Variants in ENTREP3 observed in about 807,000 individuals in gnomAD.
ENTREP3 encodes the protein endosomal transmembrane epsin interactor 3.
At chr1:155,250,770 C>G in the ENTREP3 span, 2 of 1,611,602 alleles carry the variant, frequency 1.2e-6, no homozygotes, top group Non-Finnish European at 1.7e-6. The surrounding 1 kb of genome is among the most constrained non-coding windows in gnomAD (Gnocchi z 5.4). Flanking sequence ...GCTAGAGCCC[C>G]CAGGGAGGTC....
At chr1:155,251,942 C>A in the ENTREP3 span, 1 of 1,394,580 alleles carries the variant, frequency 7.2e-7, no homozygotes, top group Non-Finnish European at 9.4e-7. Context: ...AGTCTGGATT[C>A]TGGGAATACA....
At chr1:155,254,326 T>C in the ENTREP3 span, 1 of 1,562,816 alleles carries the variant, frequency 6.4e-7, no homozygotes, top group Middle Eastern at 1.7e-4. This position sits in a 1 kb window ranked among gnomAD's most constrained non-coding sequence, Gnocchi z 4.4. Context: ...AGTTCCCTTC[T>C]TGAGGACATA....
the ENTREP3 span, chr1:155,248,255 G>C: frequency 6.2e-7 from 1 of 1,602,660 alleles, no homozygotes; most frequent in South Asian, 1.1e-5. Context: ...TAGCAACTTG[G>C]GGGAAGGGCA....
the ENTREP3 span, chr1:155,250,874 G>C: frequency 6.6e-7 from 1 of 1,511,540 alleles, no homozygotes; most frequent in Non-Finnish European, 8.9e-7. This position sits in a 1 kb window ranked among gnomAD's most constrained non-coding sequence, Gnocchi z 5.4. Context: ...GCCTAGCCCT[G>C]CCCAGGCAGT....
the ENTREP3 span, chr1:155,250,521 C>A: frequency 6.6e-7 from 1 of 1,520,822 alleles, no homozygotes; most frequent in Non-Finnish European, 8.8e-7. The surrounding 1 kb of genome is among the most constrained non-coding windows in gnomAD (Gnocchi z 5.4). Flanking sequence ...CAACCGGTGG[C>A]AGCTGCGGGC....
At chr1:155,253,276 C>G in the ENTREP3 span, 1 of 215,180 alleles carries the variant, frequency 4.6e-6, no homozygotes, top group Non-Finnish European at 9.2e-6. Context: ...AACTCCTGGC[C>G]TCAGGTGATC....
chr1:155,254,346 C>T, the ENTREP3 span: 1 of 1,593,624 alleles, frequency 6.3e-7, no homozygotes, highest in African/African-American at 1.3e-5. This position sits in a 1 kb window ranked among gnomAD's most constrained non-coding sequence, Gnocchi z 4.4. Context: ...AAATGGGCTT[C>T]CCCTTGCGTG....
At chr1:155,254,493 G>C in the ENTREP3 span, 1 of 1,612,540 alleles carries the variant, frequency 6.2e-7, no homozygotes, top group African/African-American at 1.3e-5. This position sits in a 1 kb window ranked among gnomAD's most constrained non-coding sequence, Gnocchi z 4.4. Context: ...GCCTGGCAGG[G>C]GAGGCTCCTG....
chr1:155,250,414 C>T, the ENTREP3 span: 2 of 735,738 alleles, frequency 2.7e-6, no homozygotes, highest in East Asian at 5.9e-5. The surrounding 1 kb of genome is among the most constrained non-coding windows in gnomAD (Gnocchi z 5.4). Flanking sequence ...CGAGTCGGGG[C>T]TCGGGTGGGC....
At chr1:155,248,244 G>T in the ENTREP3 span, 3 of 1,603,912 alleles carry the variant, frequency 1.9e-6, no homozygotes, top group Admixed American at 1.7e-5. Flanking sequence ...GACCGGGCAC[G>T]TAGCAACTTG....
the ENTREP3 span, chr1:155,248,303 C>A: frequency 1.4e-4 from 232 of 1,607,444 alleles, no homozygotes; most frequent in African/African-American, 2.8e-3. Flanking sequence ...AGAGCAGAGC[C>A]CTGCAGAGAG....
chr1:155,254,699 G>A, the ENTREP3 span: 2 of 1,612,090 alleles, frequency 1.2e-6, no homozygotes, highest in Admixed American at 3.3e-5. The surrounding 1 kb of genome is among the most constrained non-coding windows in gnomAD (Gnocchi z 4.4). Context: ...GCTCTCGGTG[G>A]TGGTGACGGA....
the ENTREP3 span, among the ~76,000 whole-genome samples, chr1:155,249,082 T>TTTTG: frequency 6.6e-6 from 1 of 151,724 alleles, no homozygotes; most frequent in East Asian, 1.9e-4. Context: ...TATACATGTT[T>TTTTG]TTTGTTTGTT....
the ENTREP3 span, chr1:155,250,695 AAG>A: frequency 1.2e-6 from 2 of 1,612,918 alleles, no homozygotes; most frequent in Non-Finnish European, 1.7e-6. This position sits in a 1 kb window ranked among gnomAD's most constrained non-coding sequence, Gnocchi z 5.4. Flanking sequence ...GATGGAGCGA[AAG>A]AGAACGTAGT....
At chr1:155,247,577 T>G in the ENTREP3 span, 2 of 718,832 alleles carry the variant, frequency 2.8e-6, no homozygotes, top group Admixed American at 2.0e-5. Context: ...TAAATACCCA[T>G]GCAGCACAGG....
the ENTREP3 span, among the ~76,000 whole-genome samples, chr1:155,249,515 G>A: frequency 9.9e-5 from 15 of 152,014 alleles, no homozygotes; most frequent in Admixed American, 9.8e-4. Context: ...AGGCCGAGGC[G>A]GGTGGATCAC....
chr1:155,250,920 G>T, the ENTREP3 span: 2 of 1,329,606 alleles, frequency 1.5e-6, no homozygotes, highest in Non-Finnish European at 2.1e-6. This position sits in a 1 kb window ranked among gnomAD's most constrained non-coding sequence, Gnocchi z 5.4. Context: ...AGGGGCCACT[G>T]TGCCTCCAGC....
the ENTREP3 span, chr1:155,248,512 A>C: frequency 6.3e-6 from 10 of 1,589,358 alleles, no homozygotes; most frequent in Non-Finnish European, 8.6e-6. Context: ...GAGTGAGTGG[A>C]AGTGTTCTGT....
At chr1:155,254,608 G>A in the ENTREP3 span, 1 of 1,587,702 alleles carries the variant, frequency 6.3e-7, no homozygotes. This position sits in a 1 kb window ranked among gnomAD's most constrained non-coding sequence, Gnocchi z 4.4. Flanking sequence ...TGGAGGGTGG[G>A]GCCCGAGGAG....
Sources: allele counts gnomAD v4.1 joint callset (sites outside exome capture counted in the v4.1 genomes callset), GRCh38; gene constraint gnomAD v4.1.1; non-coding constraint Gnocchi (gnomAD v3.1); transcripts MANE v1.5; gene names NCBI Gene and HGNC (gene_info 2026-07-23, HGNC 2026-07-21).